The following CDH4 variants were observed in gnomAD, a reference collection of about 807,000 sequenced individuals.
CDH4 encodes cadherin 4, also known as cadherin-4.
Under a neutral mutation model 86.0 loss-of-function variants are expected in CDH4, and 33 were observed. That is an observed-to-expected ratio of 0.38 (90% CI 0.29 to 0.51). The LOEUF (loss-of-function observed/expected upper bound fraction) is 0.51. CDH4 is among the 20% of genes least tolerant of loss of function. CDH4 has a pLI of 0.86. For missense variants in CDH4, 1,114 were observed against 1,307.4 expected, an observed-to-expected ratio of 0.85 and a Z score of 2.28; for synonymous variants, 555 against 549.4, an observed-to-expected ratio of 1.01 and a Z score of -0.14.
In CDH4 at chr20:61,668,101, T is replaced by A. The variant is rs183676972; in HGVS notation, c.170-75462T>A. 5.5e-4 allele frequency among the ~76,000 whole-genome samples: 84 copies of A among 152,324 alleles called. 1 individual carries two copies. Among genetic ancestry groups the A allele is most frequent in the African/African-American group, 2.0e-3 (82 of 41,572 alleles). On this transcript the variant is annotated intron_variant, in intron 2 of 15. Coordinates refer to ENST00000614565, the MANE Select transcript of CDH4 (RefSeq NM_001794.5). The stretch of plus-strand genomic sequence containing the variant: ...TAATTTGTTAGGTCCCTGCTATCTT[T>A]TAAATTCTCCAACCCTAAGAGAAGA...
At chr20:61,935,353 A>G (rs1055314830) in intron 15 of CDH4, among the ~76,000 whole-genome samples, 1 of 152,234 alleles carries the variant, frequency 6.6e-6, no homozygotes, top group African/African-American at 2.4e-5. Context: ...AATTCCTACA[A>G]CTGCCCACGC....
chr20:61,434,907 A>C (rs1220190223), intron 2 of CDH4: 6 of 150,300 alleles, frequency 4.0e-5, no homozygotes. Flanking sequence ...ACTTATTCTC[A>C]CTCCTTTCTT....
At chr20:61,647,524 A>T (rs75650325) in intron 2 of CDH4, among the ~76,000 whole-genome samples, 8,085 of 75,522 alleles carry the variant, frequency 0.11, 1,984 homozygotes, top group Non-Finnish European at 0.16. Flanking sequence ...GCACACACAT[A>T]TTCTCTCTCC....
At chr20:61,418,542 G>T (rs2085159924) in intron 2 of CDH4, among the ~76,000 whole-genome samples, 1 of 152,166 alleles carries the variant, frequency 6.6e-6, no homozygotes, top group Admixed American at 6.5e-5. Context: ...GTTATTGTGT[G>T]AGCTGGTTTT....
chr20:61,753,073 C>A (rs1235479408), intron 3 of CDH4, among the ~76,000 whole-genome samples: 1 of 152,106 alleles, frequency 6.6e-6, no homozygotes, highest in Non-Finnish European at 1.5e-5. Flanking sequence ...GGTGGGAGTT[C>A]TGATGGGGGC....
chr20:61,697,615 A>G (rs1018569335), intron 2 of CDH4, among the ~76,000 whole-genome samples: 1 of 152,160 alleles, frequency 6.6e-6, no homozygotes, highest in African/African-American at 2.4e-5. Context: ...GGGGAACAAA[A>G]AAAAGGAAAT....
At chr20:61,664,835 T>C (rs1206178097) in intron 2 of CDH4, among the ~76,000 whole-genome samples, 1 of 152,254 alleles carries the variant, frequency 6.6e-6, no homozygotes, top group African/African-American at 2.4e-5. Context: ...GTTGCTCTAA[T>C]GTGGCGTCTT....
At chr20:61,678,005 G>A (rs1308647727) in intron 2 of CDH4, among the ~76,000 whole-genome samples, 1 of 152,086 alleles carries the variant, frequency 6.6e-6, no homozygotes, top group Non-Finnish European at 1.5e-5. Context: ...ATGGATGACA[G>A]AAGATAGATA....
chr20:61,565,344 TC>T (rs2086284615), intron 2 of CDH4, among the ~76,000 whole-genome samples: 1 of 52,040 alleles, frequency 1.9e-5, no homozygotes, highest in Non-Finnish European at 4.0e-5. Context: ...GTGGTAGTGG[TC>T]CTCTTGGTGA....
intron 2 of CDH4, among the ~76,000 whole-genome samples, chr20:61,452,477 A>G (rs2085386406): frequency 6.6e-6 from 1 of 152,206 alleles, no homozygotes; most frequent in Non-Finnish European, 1.5e-5. Context: ...ATATTTATCA[A>G]ATGCAGCTCT....
At chr20:61,624,382 A>G (rs151068307) in intron 2 of CDH4, among the ~76,000 whole-genome samples, 47 of 152,352 alleles carry the variant, frequency 3.1e-4, no homozygotes, top group African/African-American at 1.1e-3. Flanking sequence ...TCGGGCAGAC[A>G]TGGAGTCAGG....
intron 2 of CDH4, among the ~76,000 whole-genome samples, chr20:61,527,023 C>T (rs920077397): frequency 7.2e-5 from 11 of 152,246 alleles, no homozygotes; most frequent in African/African-American, 7.2e-5. Flanking sequence ...ACCTTCCCGA[C>T]GGGGCTCCAT....
intron 2 of CDH4, among the ~76,000 whole-genome samples, chr20:61,633,921 A>C (rs1417627730): frequency 6.6e-6 from 1 of 152,224 alleles, no homozygotes; most frequent in Non-Finnish European, 1.5e-5. Flanking sequence ...TCTGTTGTTT[A>C]ATAGCAGGAG....
At chr20:61,486,817 A>C (rs2085599248) in intron 2 of CDH4, among the ~76,000 whole-genome samples, 1 of 152,206 alleles carries the variant, frequency 6.6e-6, no homozygotes, top group Non-Finnish European at 1.5e-5. Flanking sequence ...TGGGCCCAGG[A>C]GTTCAAGGTT....
intron 6 of CDH4, among the ~76,000 whole-genome samples, chr20:61,858,562 T>C (rs1016709164): frequency 1.3e-4 from 20 of 151,748 alleles, no homozygotes; most frequent in Non-Finnish European, 1.9e-4. Flanking sequence ...TGTCTGCATG[T>C]GTGTCTGTCT....
intron 2 of CDH4, among the ~76,000 whole-genome samples, chr20:61,617,201 ACCCATACTT>A (rs1377838510): frequency 2.0e-5 from 3 of 151,960 alleles, no homozygotes; most frequent in Admixed American, 2.0e-4. Flanking sequence ...GCCTGTCTGA[ACCCATACTT>A]CCCACGCTGT....
intron 2 of CDH4, chr20:61,719,545 C>T (rs2088007445): frequency 5.0e-6 from 1 of 201,736 alleles, no homozygotes; most frequent in African/African-American, 2.3e-5. Context: ...TATCTCGTTC[C>T]TCTGTATAAT....
At chr20:61,442,358 A>C (rs1256812162) in intron 2 of CDH4, among the ~76,000 whole-genome samples, 1 of 152,198 alleles carries the variant, frequency 6.6e-6, no homozygotes, top group Non-Finnish European at 1.5e-5. Flanking sequence ...CCTGTTTTTA[A>C]ACAAACATCA....
chr20:61,718,510 C>G (rs1322069868), intron 2 of CDH4: 2 of 320,772 alleles, frequency 6.2e-6, no homozygotes, highest in Admixed American at 7.8e-5. Context: ...CAGTGCCGTC[C>G]CATATCCCAG....
Sources: gnomAD v4.1 joint callset for allele counts (sites outside exome capture counted in the v4.1 genomes callset) on GRCh38, gnomAD v4.1.1 for gene constraint, MANE v1.5 for transcripts, NCBI Gene and HGNC (gene_info 2026-07-23, HGNC 2026-07-21) for gene names.